Variants in DTWD2 observed in about 807,000 individuals in gnomAD.
The protein encoded by DTWD2 is DTW motif tRNA-uridine aminocarboxypropyltransferase 2.
A neutral mutation model predicts 31.8 loss-of-function variants in DTWD2; 39 were observed. The observed-to-expected ratio is 1.22, with a 90% CI of 0.95 to 1.60. The LOEUF (loss-of-function observed/expected upper bound fraction) is 1.60. Ranked by LOEUF, DTWD2 falls within the 40% of genes most tolerant of loss-of-function variation. The pLI is 0.00. For missense variants in DTWD2, 515 were observed against 381.5 expected, an observed-to-expected ratio of 1.35 and a Z score of -2.92; for synonymous variants, 180 against 142.8, an observed-to-expected ratio of 1.26 and a Z score of -1.86.
At chr5:118,871,539 T>C (rs1580777976) in intron 4 of DTWD2, among the ~76,000 whole-genome samples, 1 of 152,130 alleles carries the variant, frequency 6.6e-6, no homozygotes, top group Non-Finnish European at 1.5e-5. Context: ...TCAGCAGGAG[T>C]GAAAATAACG....
At chr5:118,847,126 A>G (rs1404482893) in intron 5 of DTWD2, among the ~76,000 whole-genome samples, 3 of 152,126 alleles carry the variant, frequency 2.0e-5, no homozygotes, top group Non-Finnish European at 4.4e-5. Flanking sequence ...CTTTAGGATT[A>G]ATATCTTGGT....
chr5:118,959,602 T>C (rs6893733), intron 1 of DTWD2, among the ~76,000 whole-genome samples: 74,730 of 152,008 alleles, frequency 0.49, 19,679 homozygotes, highest in East Asian at 0.94. Flanking sequence ...AAAATAAAAC[T>C]ATTCTAAAAT....
intron 4 of DTWD2, among the ~76,000 whole-genome samples, chr5:118,921,639 G>A (rs1018215123): frequency 6.6e-6 from 1 of 152,136 alleles, no homozygotes; most frequent in Non-Finnish European, 1.5e-5. Flanking sequence ...CCCCAAAGGA[G>A]GAAGACATTT....
chr5:118,850,153 A>C (rs1185023963), intron 4 of DTWD2, among the ~76,000 whole-genome samples: 1 of 151,884 alleles, frequency 6.6e-6, no homozygotes, highest in Non-Finnish European at 1.5e-5. Context: ...ATCTCTACAT[A>C]TCACCATACA....
intron 1 of DTWD2, among the ~76,000 whole-genome samples, chr5:118,977,723 G>T (rs530230168): frequency 6.6e-6 from 1 of 152,108 alleles, no homozygotes; most frequent in African/African-American, 2.4e-5. Context: ...CCATGCTCAC[G>T]GACAGGAAGA....
intron 1 of DTWD2, among the ~76,000 whole-genome samples, chr5:118,963,957 C>T (rs542981571): frequency 6.6e-6 from 1 of 152,258 alleles, no homozygotes; most frequent in South Asian, 2.1e-4. Context: ...CACCTGTAAT[C>T]CCAGTACTTT....
chr5:118,890,004 A>T (rs556904321), intron 4 of DTWD2, among the ~76,000 whole-genome samples: 5 of 152,332 alleles, frequency 3.3e-5, no homozygotes, highest in African/African-American at 1.2e-4. Flanking sequence ...TGACAAAAGA[A>T]AGTAAATGTC....
At chr5:118,982,110 G>A (rs1755315030) in intron 1 of DTWD2, among the ~76,000 whole-genome samples, 1 of 152,156 alleles carries the variant, frequency 6.6e-6, no homozygotes, top group Non-Finnish European at 1.5e-5. Flanking sequence ...AAATGTAAAA[G>A]TACTTTGTAG....
At chr5:118,897,931 CA>C (rs1427547989) in intron 4 of DTWD2, among the ~76,000 whole-genome samples, 3 of 152,170 alleles carry the variant, frequency 2.0e-5, no homozygotes, top group Non-Finnish European at 2.9e-5. Flanking sequence ...TGCAGTGTCA[CA>C]ATCATGGCTC....
At chr5:118,913,680 A>G (rs980025550) in intron 4 of DTWD2, among the ~76,000 whole-genome samples, 1 of 151,966 alleles carries the variant, frequency 6.6e-6, no homozygotes, top group African/African-American at 2.4e-5. Context: ...GAAGTGAATA[A>G]CCGTAAGTCA....
intron 4 of DTWD2, among the ~76,000 whole-genome samples, chr5:118,894,883 A>C (rs906932597): frequency 5.9e-5 from 9 of 152,302 alleles, no homozygotes; most frequent in African/African-American, 2.2e-4. Context: ...GCCATATATC[A>C]CAAAACCACA....
chr5:118,929,819 C>A (rs1490169476), intron 3 of DTWD2, among the ~76,000 whole-genome samples: 1 of 152,122 alleles, frequency 6.6e-6, no homozygotes, highest in African/African-American at 2.4e-5. Context: ...CTTCCCTTGT[C>A]CAGATCTAGG....
At chr5:118,870,631 A>G (rs921440049) in intron 4 of DTWD2, among the ~76,000 whole-genome samples, 52 of 152,356 alleles carry the variant, frequency 3.4e-4, no homozygotes, top group African/African-American at 1.3e-3. Context: ...GCCTTCAGTG[A>G]GTCATCCTCC....
intron 4 of DTWD2, among the ~76,000 whole-genome samples, chr5:118,855,050 C>G (rs1211185201): frequency 6.6e-6 from 1 of 151,420 alleles, no homozygotes; most frequent in East Asian, 2.0e-4. Context: ...ACCTGTGGTC[C>G]CAGTTACTCG....
intron 5 of DTWD2, among the ~76,000 whole-genome samples, chr5:118,843,390 T>G (rs994506151): frequency 1.9e-5 from 2 of 103,542 alleles, no homozygotes; most frequent in African/African-American, 9.3e-5. Flanking sequence ...AGGAGAGAGA[T>G]AGAAAGAAAA....
intron 2 of DTWD2, among the ~76,000 whole-genome samples, chr5:118,942,457 A>T (rs1047594425): frequency 2.0e-5 from 3 of 152,186 alleles, no homozygotes; most frequent in African/African-American, 7.2e-5. Context: ...TGAATGAATC[A>T]TCTAAACCAT....
intron 4 of DTWD2, among the ~76,000 whole-genome samples, chr5:118,920,030 T>C (rs983069126): frequency 3.3e-5 from 5 of 151,240 alleles, no homozygotes; most frequent in Admixed American, 6.6e-5. Context: ...GCACATTAAA[T>C]GTAACATGCT....
intron 3 of DTWD2, among the ~76,000 whole-genome samples, chr5:118,937,920 TC>T (rs1754080987): frequency 6.6e-6 from 1 of 152,142 alleles, no homozygotes; most frequent in South Asian, 2.1e-4. Flanking sequence ...ACTATAGTAT[TC>T]TCAATATTAC....
chr5:118,880,606 A>C (rs1752720012), intron 4 of DTWD2, among the ~76,000 whole-genome samples: 1 of 152,156 alleles, frequency 6.6e-6, no homozygotes, highest in South Asian at 2.1e-4. Context: ...TATATACTAA[A>C]ATGCATTTAA....
Sources: gnomAD v4.1 joint callset for allele counts (sites outside exome capture counted in the v4.1 genomes callset) on GRCh38, gnomAD v4.1.1 for gene constraint, MANE v1.5 for transcripts, NCBI Gene and HGNC (gene_info 2026-07-23, HGNC 2026-07-21) for gene names.